ZEB1: variants seen among roughly 807,000 people sequenced by gnomAD.
The protein encoded by ZEB1 is zinc finger E-box-binding homeobox 1.
Under a neutral mutation model 84.9 loss-of-function variants are expected in ZEB1, and 21 were observed. The ratio of observed to expected loss-of-function variants is 0.25; its 90% confidence interval spans 0.18 to 0.36. The LOEUF is 0.36. ZEB1 is among the 10% of genes least tolerant of loss of function. The probability of loss-of-function intolerance (pLI) is 1.00; values close to 1 mark genes in which losing one functional copy is unlikely to be tolerated. For synonymous variants in ZEB1, 420 were observed against 471.1 expected (o/e 0.89, Z 1.41); for missense variants, 1,104 against 1,330.2 (o/e 0.83, Z 2.65).
intron 1 of ZEB1, chr10:31,387,416 A>G (rs1377371942): frequency 2.1e-5 from 12 of 580,638 alleles, no homozygotes; most frequent in Non-Finnish European, 2.6e-5. Context: ...ATTCATCAAG[A>G]GGTGCTTTTC....
chr10:31,490,757 T>C (rs2066416625), intron 2 of ZEB1, among the ~76,000 whole-genome samples: 1 of 151,922 alleles, frequency 6.6e-6, no homozygotes, highest in South Asian at 2.1e-4. Context: ...TGAGATTATA[T>C]TCTGGATATT....
At chr10:31,455,767 G>A (rs965027708) in intron 1 of ZEB1, among the ~76,000 whole-genome samples, 2 of 152,168 alleles carry the variant, frequency 1.3e-5, no homozygotes, top group Non-Finnish European at 2.9e-5. Flanking sequence ...AACAGGTGCT[G>A]GAGAGGATGT....
intron 1 of ZEB1, among the ~76,000 whole-genome samples, chr10:31,390,453 T>G (rs2049424581): frequency 6.6e-6 from 1 of 152,208 alleles, no homozygotes; most frequent in African/African-American, 2.4e-5. Context: ...CATACATATT[T>G]AAACATTTTA....
At position 31,528,511 on chromosome 10, in the gene ZEB1, ATTATT is replaced by A. The variant is rs1263302987; in HGVS notation, c.*1254_*1258del. 2.0e-5 allele frequency: 3 copies of A among 152,244 alleles called. No homozygotes were observed. Among genetic ancestry groups the A allele is most frequent in the Middle Eastern group, 3.4e-3 (1 of 294 alleles). 9.4% of individuals were successfully genotyped at this position (152,244 alleles called of 1,614,324 possible). Reference sequence around the variant, plus strand: ...CATTAGCTGATTTTTACCTATCAGTATTATTTTATTTCTTTTAGTTTATAGATCTG... The same window carrying A: ...CATTAGCTGATTTTTACCTATCAGTATTATTTCTTTTAGTTTATAGATCTG... On this transcript the variant is annotated 3_prime_UTR_variant, in exon 9 of 9. Transcript: ENST00000424869.
At chr10:31,381,524 G>C (rs2047628229) in intron 1 of ZEB1, among the ~76,000 whole-genome samples, 1 of 152,114 alleles carries the variant, frequency 6.6e-6, no homozygotes, top group Admixed American at 6.6e-5. Context: ...CTAAAAGTAA[G>C]ATTTTTGGGT....
rs1247789570 is a variant in ZEB1, at chr10:31,427,588, CA to C, written c.59-33447del. On this transcript the variant is annotated intron_variant, in intron 1 of 8. Coordinates refer to ENST00000424869, the MANE Select transcript of ZEB1 (RefSeq NM_001174096.2). ...TGAATCTTGGCCAGGCGCGGTGGCT[CA>C]ACGCCTGTAATCCCAGCACTTTGGG... Among the ~76,000 whole-genome samples the C allele has an allele frequency of 9.2e-5, 14 of 152,186 alleles. No homozygotes were observed. The East Asian group carries it at 1.4e-3, about 15-fold the overall frequency.
intron 1 of ZEB1, among the ~76,000 whole-genome samples, chr10:31,334,327 C>T (rs1002063321): frequency 1.3e-5 from 2 of 151,972 alleles, no homozygotes; most frequent in Non-Finnish European, 2.9e-5. Context: ...TTTACAATTC[C>T]ATTAACTTAA....
Position 31,493,187 on chromosome 10 carries a change from G to A in ZEB1, c.260-2589G>A, listed in dbSNP as rs923133454. On this transcript the variant is annotated intron_variant, in intron 2 of 8. Coordinates refer to ENST00000424869, the MANE Select transcript of ZEB1 (RefSeq NM_001174096.2). ...CATCTTTACAATTGTGTTATTTGAAGAAAGTTACATAAATGAAATCATACA... is the reference window on the plus strand; with the variant it reads ...CATCTTTACAATTGTGTTATTTGAAAAAAGTTACATAAATGAAATCATACA... Among the ~76,000 whole-genome samples, 3 of 151,916 alleles carry A rather than the reference G, an allele frequency of 2.0e-5. No homozygotes were observed. The East Asian group carries it at 5.8e-4, about 29-fold the overall frequency.
chr10:31,439,744 A>C (rs2058698080), intron 1 of ZEB1, among the ~76,000 whole-genome samples: 1 of 152,146 alleles, frequency 6.6e-6, no homozygotes, highest in Non-Finnish European at 1.5e-5. Context: ...GCAGTTCATA[A>C]AGAATATTAC....
intron 3 of ZEB1, among the ~76,000 whole-genome samples, chr10:31,501,168 G>A (rs2068071288): frequency 6.6e-6 from 1 of 152,202 alleles, no homozygotes; most frequent in Non-Finnish European, 1.5e-5. Context: ...ATTTAGACCT[G>A]ACAGTTCAGT....
At chr10:31,369,626 T>C (rs1217193192) in intron 1 of ZEB1, among the ~76,000 whole-genome samples, 1 of 152,234 alleles carries the variant, frequency 6.6e-6, no homozygotes, top group Non-Finnish European at 1.5e-5. Context: ...GGTGTTTCCG[T>C]ATCCTGGCTA....
chr10:31,365,557 A>G (rs1201677714), intron 1 of ZEB1, among the ~76,000 whole-genome samples: 1 of 152,230 alleles, frequency 6.6e-6, no homozygotes, highest in Non-Finnish European at 1.5e-5. Context: ...ATTATAGGAT[A>G]TCTTTCATTT....
intron 1 of ZEB1, among the ~76,000 whole-genome samples, chr10:31,382,006 C>CAAAAAAAAAAAA (rs535534850): frequency 1.5e-4 from 6 of 40,766 alleles, no homozygotes; most frequent in African/African-American, 2.7e-4. Flanking sequence ...GAGACTGTCT[C>CAAAAAAAAAAAA]AAAAAAAAAA....
intron 1 of ZEB1, among the ~76,000 whole-genome samples, chr10:31,383,878 C>A (rs901281219): frequency 3.4e-5 from 5 of 146,236 alleles, no homozygotes; most frequent in African/African-American, 1.3e-4. Flanking sequence ...TCTAAGGGCA[C>A]ATGAGAATTA....
intron 8 of ZEB1, among the ~76,000 whole-genome samples, chr10:31,525,381 T>C (rs1476610310): frequency 1.3e-5 from 2 of 152,214 alleles, no homozygotes; most frequent in Admixed American, 6.5e-5. Flanking sequence ...CCCTGATTTG[T>C]AGTGTTTGCA....
At chr10:31,347,718 AT>A (rs1246318130) in intron 1 of ZEB1, among the ~76,000 whole-genome samples, 1 of 152,194 alleles carries the variant, frequency 6.6e-6, no homozygotes, top group Admixed American at 6.5e-5. Flanking sequence ...AATTAAAAAA[AT>A]TTTAAAACAA....
At chr10:31,372,020 TGA>T (rs143104953) in intron 1 of ZEB1, among the ~76,000 whole-genome samples, 6 of 151,520 alleles carry the variant, frequency 4.0e-5, no homozygotes, top group South Asian at 2.1e-4. Context: ...CACATGTATG[TGA>T]GAGAGAGAGA....
At chr10:31,444,341 A>C (rs1306544783) in intron 1 of ZEB1, among the ~76,000 whole-genome samples, 1 of 146,592 alleles carries the variant, frequency 6.8e-6, no homozygotes, top group African/African-American at 2.5e-5. Flanking sequence ...AGGTTGCAAA[A>C]ATTTTCTCCC....
chr10:31,430,604 T>G (rs1411193674), intron 1 of ZEB1, among the ~76,000 whole-genome samples: 1 of 152,210 alleles, frequency 6.6e-6, no homozygotes, highest in Non-Finnish European at 1.5e-5. Flanking sequence ...ACTTTGAATT[T>G]ACTTTAATAA....
Sources: gnomAD v4.1 joint callset for allele counts (sites outside exome capture counted in the v4.1 genomes callset) on GRCh38, gnomAD v4.1.1 for gene constraint, MANE v1.5 for transcripts, NCBI Gene and HGNC (gene_info 2026-07-23, HGNC 2026-07-21) for gene names.